The following BBS7 variants were observed in gnomAD, a reference collection of about 807,000 sequenced individuals.
BBS7 encodes the protein BBSome complex member BBS7.
BBS7 carries 50 observed loss-of-function variants against 90.3 expected under a neutral mutation model. That is an observed-to-expected ratio of 0.55 (90% confidence interval 0.44 to 0.70). BBS7 has a LOEUF of 0.70. Among genes scored for constraint, BBS7 ranks in the 30% least tolerant of loss-of-function variants. The pLI, the probability that BBS7 is intolerant of heterozygous loss-of-function variation, is 0.00. For missense variants in BBS7, 729 were observed against 838.9 expected (o/e 0.87, Z 1.62); for synonymous variants, 235 against 287.4 (o/e 0.82, Z 1.85).
intron 13 of BBS7, among the ~76,000 whole-genome samples, chr4:121,835,566 G>A (rs1401011592): frequency 6.6e-6 from 1 of 152,004 alleles, no homozygotes; most frequent in African/African-American, 2.4e-5. Flanking sequence ...ATCAACATTT[G>A]ACCTAAGTGG....
intron 5 of BBS7, among the ~76,000 whole-genome samples, chr4:121,856,304 T>G (rs974942941): frequency 1.3e-5 from 2 of 152,250 alleles, no homozygotes; most frequent in Admixed American, 6.5e-5. Flanking sequence ...AGTTTTTCAA[T>G]TTTGCTACTT....
intron 12 of BBS7, among the ~76,000 whole-genome samples, chr4:121,841,517 G>C (rs1725740408): frequency 6.6e-6 from 1 of 152,172 alleles, no homozygotes; most frequent in South Asian, 2.1e-4. Flanking sequence ...AATAAGCTAT[G>C]ATCACGCCAC....
At chr4:121,830,072 A>G (rs920472267) in intron 15 of BBS7, among the ~76,000 whole-genome samples, 12 of 152,206 alleles carry the variant, frequency 7.9e-5, no homozygotes, top group African/African-American at 2.4e-4. Context: ...TTTCACACAC[A>G]CACAAATGAT....
chr4:121,849,591 A>T (rs1203271854), intron 8 of BBS7, among the ~76,000 whole-genome samples: 1 of 152,086 alleles, frequency 6.6e-6, no homozygotes, highest in Non-Finnish European at 1.5e-5. Flanking sequence ...CACTTTGGGA[A>T]GCCGAGGTGG....
At chr4:121,868,983 A>C (rs1047506463) in intron 1 of BBS7, among the ~76,000 whole-genome samples, 5 of 152,192 alleles carry the variant, frequency 3.3e-5, no homozygotes, top group Non-Finnish European at 7.3e-5. Flanking sequence ...TATTTCTGAA[A>C]CATCAATCTA....
chr4:121,832,387 T>C (rs1725240337), intron 15 of BBS7, among the ~76,000 whole-genome samples: 1 of 151,808 alleles, frequency 6.6e-6, no homozygotes, highest in South Asian at 2.1e-4. Context: ...AACCTACAGA[T>C]GTGAGAATGA....
At chr4:121,855,904 A>G (rs1475471807) in intron 5 of BBS7, among the ~76,000 whole-genome samples, 1 of 141,342 alleles carries the variant, frequency 7.1e-6, no homozygotes, top group Non-Finnish European at 1.5e-5. Flanking sequence ...ATGTATGTGT[A>G]TATATGTATA....
intron 12 of BBS7, among the ~76,000 whole-genome samples, chr4:121,842,310 T>C (rs1725784505): frequency 6.6e-6 from 1 of 151,534 alleles, no homozygotes; most frequent in African/African-American, 2.4e-5. Context: ...ATATTTTACT[T>C]TATCTACTCT....
At chr4:121,839,515 C>G in intron 13 of BBS7, 116 bp downstream of exon 13, 1 of 894,842 alleles carries the variant, frequency 1.1e-6, no homozygotes, top group South Asian at 1.4e-5. Context: ...TTACTCCAAA[C>G]AATTCATTTC....
intron 13 of BBS7, among the ~76,000 whole-genome samples, chr4:121,838,515 T>G (rs1725574082): frequency 6.6e-6 from 1 of 152,166 alleles, no homozygotes; most frequent in Non-Finnish European, 1.5e-5. Flanking sequence ...TATTTAATTA[T>G]GAAAATGACT....
chr4:121,862,586 T>C (rs1727041223), intron 3 of BBS7, among the ~76,000 whole-genome samples: 1 of 152,208 alleles, frequency 6.6e-6, no homozygotes, highest in Admixed American at 6.5e-5. Context: ...TGGAAAAGGT[T>C]GTGGGTTAGT....
At chr4:121,870,193 C>T in intron 1 of BBS7, 85 bp downstream of exon 1, 1 of 1,578,828 alleles carries the variant, frequency 6.3e-7, no homozygotes, top group Non-Finnish European at 8.7e-7. Flanking sequence ...TCCTGGCGAC[C>T]GAGACTTTCG....
chr4:121,842,169 C>T (rs1227669144), intron 12 of BBS7, among the ~76,000 whole-genome samples: 4 of 147,072 alleles, frequency 2.7e-5, no homozygotes, highest in Admixed American at 2.1e-4. Context: ...AGGAGAATTG[C>T]TTGAACCTGG....
Position 121,828,744 on chromosome 4 carries a change from A to AT in BBS7, c.1677-17dup. ...CTCTCCTTTTCTATAAAATTAATATATTTTTTAAAAGAATAGCTGTAGAAG... is the reference window on the plus strand; with the variant it reads ...CTCTCCTTTTCTATAAAATTAATATATTTTTTTAAAAGAATAGCTGTAGAAG... On this transcript the variant is annotated splice_polypyrimidine_tract_variant and intron_variant, in intron 15 of 18. Transcript: ENST00000264499. 7.1e-7 allele frequency: 1 copy of AT among 1,411,772 alleles called. No individual in the cohort carries two copies. The highest frequency in any genetic ancestry group is 9.8e-7 in the Non-Finnish European group (1 of 1,020,748). The allele number at this position is 1,411,772 out of a possible 1,614,324, so 87.5% of individuals were successfully genotyped here. A position where few individuals can be genotyped will look rare whatever the true frequency, so the allele number is the denominator to read the frequency against.
intron 1 of BBS7, among the ~76,000 whole-genome samples, chr4:121,869,364 T>C (rs1359147959): frequency 2.6e-5 from 4 of 152,190 alleles, no homozygotes; most frequent in Admixed American, 2.0e-4. Context: ...TCCGAGACTT[T>C]GATTCAAATA....
At chr4:121,852,846 A>C in intron 8 of BBS7, 110 bp downstream of exon 8, 1 of 1,185,280 alleles carries the variant, frequency 8.4e-7, no homozygotes, top group Non-Finnish European at 1.2e-6. Flanking sequence ...CAATATTTTA[A>C]ACCAAACACA....
intron 4 of BBS7, 113 bp downstream of exon 4, chr4:121,861,391 A>T: frequency 2.0e-6 from 2 of 1,001,164 alleles, no homozygotes; most frequent in Non-Finnish European, 2.9e-6. Flanking sequence ...AAATACCTTT[A>T]GTTAATTTTA....
intron 12 of BBS7, among the ~76,000 whole-genome samples, chr4:121,840,469 A>C (rs1161035038): frequency 6.6e-6 from 1 of 152,238 alleles, no homozygotes; most frequent in Non-Finnish European, 1.5e-5. Context: ...TTTCACAAAT[A>C]CTTATACAGG....
intron 8 of BBS7, among the ~76,000 whole-genome samples, chr4:121,852,223 G>A (rs1465266495): frequency 6.6e-6 from 1 of 152,120 alleles, no homozygotes; most frequent in Non-Finnish European, 1.5e-5. Context: ...GTTAAAGTTA[G>A]GATTGAGAGG....
Sources: allele counts gnomAD v4.1 joint callset (sites outside exome capture counted in the v4.1 genomes callset), GRCh38; gene constraint gnomAD v4.1.1; transcripts MANE v1.5; gene names NCBI Gene and HGNC (gene_info 2026-07-23, HGNC 2026-07-21).